Variants in TTC3 observed in about 807,000 individuals in gnomAD.
The protein encoded by TTC3 is tetratricopeptide repeat domain 3.
A neutral mutation model predicts 249.6 loss-of-function variants in TTC3; 180 were observed. That is an observed-to-expected ratio of 0.72 (90% CI 0.64 to 0.82). The LOEUF (loss-of-function observed/expected upper bound fraction) is 0.82, where lower values mean the gene tolerates loss of function less well. TTC3 is among the 40% of genes least tolerant of loss of function. The pLI is 0.00. For missense variants in TTC3, 2,061 were observed against 2,398.4 expected (o/e 0.86, Z 2.94); for synonymous variants, 717 against 805.0 (o/e 0.89, Z 1.85).
chr21:37,090,232 G>T lies in TTC3; in HGVS notation c.427-1G>T. 3 of 1,591,294 alleles carry T rather than the reference G, an allele frequency of 1.9e-6. No individual in the cohort carries two copies. The highest frequency in any genetic ancestry group is 3.5e-5 in the Admixed American group (2 of 56,658). On this transcript the variant is annotated splice_acceptor_variant, in intron 5 of 45. Coordinates refer to ENST00000355666, the Ensembl canonical transcript of TTC3. LOFTEE classifies it high-confidence loss of function. The stretch of plus-strand genomic sequence containing the variant: ...AAATATGTCCTTTTTTTATTTTTCA[G>T]AATGATTCATTCCTTATTGGAGGCT...
intron 10 of TTC3, among the ~76,000 whole-genome samples, chr21:37,103,281 C>G (rs1284778214): frequency 6.6e-6 from 1 of 152,278 alleles, no homozygotes; most frequent in East Asian, 1.9e-4. Flanking sequence ...TATGTAAGAG[C>G]AATAAGTTGG....
chr21:37,161,714 T>G (rs138229709), intron 30 of TTC3, among the ~76,000 whole-genome samples: 2,049 of 152,352 alleles, frequency 0.013, 21 homozygotes, highest in Non-Finnish European at 0.02. Context: ...TATCTTTGAC[T>G]ATGTATTTAG....
At chr21:37,084,048 T>G (rs945680516) in intron 1 of TTC3, 1 of 152,174 alleles carries the variant, frequency 6.6e-6, no homozygotes. Flanking sequence ...TAACTAAAAA[T>G]ATATGTGATA....
At chr21:37,130,076 C>T (rs547127829) in intron 16 of TTC3, among the ~76,000 whole-genome samples, 21 of 152,086 alleles carry the variant, frequency 1.4e-4, no homozygotes, top group African/African-American at 5.1e-4. Context: ...CCATGTCTGC[C>T]ACAATACACT....
chr21:37,144,258 ATAT>A (rs1393618970), intron 20 of TTC3, among the ~76,000 whole-genome samples: 1 of 152,014 alleles, frequency 6.6e-6, no homozygotes, highest in African/African-American at 2.4e-5. Flanking sequence ...AAATATATAT[ATAT>A]AAACAACAAA....
chr21:37,162,007 T>A, exon 31 of TTC3: 1 of 1,592,134 alleles, frequency 6.3e-7, no homozygotes, highest in South Asian at 1.1e-5. Context: ...TAGTTGGGTC[T>A]GGAACAACTT....
intron 32 of TTC3, 149 bp downstream of exon 32, chr21:37,164,364 A>G: frequency 2.7e-6 from 2 of 735,694 alleles, no homozygotes; most frequent in Non-Finnish European, 4.1e-6. Context: ...TTTGAGACAG[A>G]GTCTTGCTGT....
At chr21:37,185,408 C>T (rs1324263925) in intron 36 of TTC3, among the ~76,000 whole-genome samples, 1 of 152,154 alleles carries the variant, frequency 6.6e-6, no homozygotes. Context: ...GATGATGATG[C>T]CGCAGTACCT....
At chr21:37,166,189 A>G in exon 33 of TTC3, 1 of 1,614,100 alleles carries the variant, frequency 6.2e-7, no homozygotes, top group South Asian at 1.1e-5. Context: ...CTTTCCAGAG[A>G]TTTGATATCA....
chr21:37,140,558 A>T lies in TTC3; in HGVS notation c.1660-3A>T. 6.4e-7 allele frequency: 1 copy of T among 1,564,910 alleles called. No homozygotes were observed. ...GTGATCATTGTTTTCACTGCTATTC[A>T]AGGAATTATCTGAAGCCGAAAACCA... On this transcript the variant is annotated splice_region_variant and splice_polypyrimidine_tract_variant and intron_variant, in intron 19 of 45. Coordinates refer to ENST00000355666, the Ensembl canonical transcript of TTC3.
chr21:37,159,778 C>T, intron 29 of TTC3, 33 bp downstream of exon 29: 2 of 1,454,868 alleles, frequency 1.4e-6, no homozygotes, highest in Non-Finnish European at 1.8e-6. Context: ...ATCTTACGTT[C>T]TAATCTGATG....
At chr21:37,108,422 T>C (rs1236946211) in exon 11 of TTC3, 1 of 1,612,626 alleles carries the variant, frequency 6.2e-7, no homozygotes, top group Non-Finnish European at 8.5e-7. Context: ...AGAGAGCCAC[T>C]ATTCTGAAGA....
intron 23 of TTC3, among the ~76,000 whole-genome samples, chr21:37,149,032 A>G (rs2079228279): frequency 6.6e-6 from 1 of 152,182 alleles, no homozygotes; most frequent in Admixed American, 6.5e-5. Flanking sequence ...TCAAAACCAA[A>G]ATTTGATGAG....
At chr21:37,106,072 A>C (rs980539967) in intron 10 of TTC3, among the ~76,000 whole-genome samples, 1 of 152,250 alleles carries the variant, frequency 6.6e-6, no homozygotes, top group South Asian at 2.1e-4. Flanking sequence ...TGCCCTCAAC[A>C]CTTACTATTT....
rs557988111 is a variant in TTC3, at chr21:37,180,503, C to T, written c.4618-2271C>T. 2.2e-3 allele frequency among the ~76,000 whole-genome samples: 333 copies of T among 148,394 alleles called. 1 individual carries two copies. The highest frequency in any genetic ancestry group is 7.9e-3 in the African/African-American group (318 of 40,180). On this transcript the variant is annotated intron_variant, in intron 35 of 45. Coordinates refer to ENST00000355666, the Ensembl canonical transcript of TTC3. Reference sequence around the variant, plus strand: ...GAAATCATCATTCTCAGTAAACTATCGCAAGAACAAAAAACCAAACACTGC... The same window carrying T: ...GAAATCATCATTCTCAGTAAACTATTGCAAGAACAAAAAACCAAACACTGC...
At chr21:37,152,004 T>A in exon 26 of TTC3, 1 of 1,593,628 alleles carries the variant, frequency 6.3e-7, no homozygotes, top group Non-Finnish European at 8.5e-7. Flanking sequence ...GAGAAAGTAA[T>A]CCACCCAAAA....
chr21:37,082,387 G>A (rs1410281269), intron 1 of TTC3: 6 of 654,242 alleles, frequency 9.2e-6, no homozygotes, highest in Non-Finnish European at 1.1e-5. Flanking sequence ...CACCTCATGT[G>A]TTTGGTGATC....
intron 32 of TTC3, among the ~76,000 whole-genome samples, chr21:37,164,438 A>G (rs2081064870): frequency 6.6e-6 from 1 of 151,416 alleles, no homozygotes; most frequent in Non-Finnish European, 1.5e-5. Flanking sequence ...TCCCAGGTTC[A>G]GGTGATTGTC....
chr21:37,142,095 G>A (rs972841333), intron 20 of TTC3, among the ~76,000 whole-genome samples: 3 of 152,088 alleles, frequency 2.0e-5, no homozygotes, highest in African/African-American at 4.8e-5. Flanking sequence ...TTGATGGGAC[G>A]TATCTCAAAA....
Sources: allele counts gnomAD v4.1 joint callset (sites outside exome capture counted in the v4.1 genomes callset), GRCh38; gene constraint gnomAD v4.1.1; transcripts MANE v1.5; gene names NCBI Gene and HGNC (gene_info 2026-07-23, HGNC 2026-07-21).